PREX2: variants seen among roughly 807,000 people sequenced by gnomAD.
The protein encoded by PREX2 is phosphatidylinositol-3,4,5-trisphosphate dependent Rac exchange factor 2, also known as phosphatidylinositol 3,4,5-trisphosphate-dependent Rac exchanger 2 protein.
In PREX2, 107 loss-of-function variants were observed where a neutral mutation model predicts 203.2. That is an observed-to-expected ratio of 0.53 (90% CI 0.45 to 0.62). The LOEUF is 0.62. PREX2 is among the 20% of genes least tolerant of loss of function. The pLI is 0.00. For synonymous variants in PREX2, 672 were observed against 663.6 expected (o/e 1.01, Z -0.19); for missense variants, 1,777 against 1,955.9 (o/e 0.91, Z 1.72).
intron 37 of PREX2, among the ~76,000 whole-genome samples, chr8:68,198,230 T>A (rs1282494278): frequency 6.6e-6 from 1 of 152,226 alleles, no homozygotes; most frequent in Non-Finnish European, 1.5e-5. Flanking sequence ...TACAATTATA[T>A]TTCCTTTGTT....
chr8:68,161,608 A>C (rs1268379891), intron 35 of PREX2, among the ~76,000 whole-genome samples: 1 of 152,122 alleles, frequency 6.6e-6, no homozygotes, highest in East Asian at 1.9e-4. Flanking sequence ...AGCTTGCTTA[A>C]AACATCAGTT....
intron 36 of PREX2, 63 bp downstream of exon 36, chr8:68,191,851 C>T: frequency 8.6e-7 from 1 of 1,159,920 alleles, no homozygotes; most frequent in Non-Finnish European, 1.3e-6. Context: ...TTTTAATTTT[C>T]TGCTGTTGTT....
intron 35 of PREX2, among the ~76,000 whole-genome samples, chr8:68,182,019 G>A (rs2129614447): frequency 6.6e-6 from 1 of 152,122 alleles, no homozygotes; most frequent in Admixed American, 6.6e-5. Flanking sequence ...GAAAGATACA[G>A]GCAAAGTTTG....
chr8:68,001,667 C>T (rs1806941167), intron 1 of PREX2, among the ~76,000 whole-genome samples: 1 of 152,150 alleles, frequency 6.6e-6, no homozygotes, highest in Non-Finnish European at 1.5e-5. Flanking sequence ...CATCACTATT[C>T]ACAATAGCAA....
intron 1 of PREX2, among the ~76,000 whole-genome samples, chr8:68,009,999 AC>A (rs764032078): frequency 6.6e-6 from 1 of 152,188 alleles, no homozygotes; most frequent in Non-Finnish European, 1.5e-5. Context: ...GTCTGACCAA[AC>A]TTCACTTGCA....
At chr8:68,059,407 C>G in intron 10 of PREX2, among the ~76,000 whole-genome samples, 1 of 152,096 alleles carries the variant, frequency 6.6e-6, no homozygotes, top group East Asian at 1.9e-4. Context: ...AACCTATAAT[C>G]CACTGTGGCC....
In PREX2 at chr8:67,984,935, C is replaced by T. The variant is rs116331946; in HGVS notation, c.141+32400C>T. On this transcript the variant is annotated intron_variant, in intron 1 of 39. Transcript: ENST00000288368. Reference sequence around the variant, plus strand: ...CCTCCCCTTTCCTTGGCAAGGAAGCCAGCCCAGGCACCCAGCCCAGTCGCA... The same window carrying T: ...CCTCCCCTTTCCTTGGCAAGGAAGCTAGCCCAGGCACCCAGCCCAGTCGCA... Among the ~76,000 whole-genome samples the T allele has an allele frequency of 8.7e-3, 1,317 of 151,958 alleles. 14 individuals are homozygous for T. Among genetic ancestry groups the T allele is most frequent in the African/African-American group, 0.03 (1,233 of 41,452 alleles).
In PREX2 at chr8:68,080,441, AG is replaced by A; in HGVS notation, c.1643-1del. 6.2e-7 allele frequency: 1 copy of A among 1,610,636 alleles called. No homozygotes were observed. The highest frequency in any genetic ancestry group is 2.2e-5 in the East Asian group (1 of 44,774). On this transcript the variant is annotated splice_acceptor_variant, in intron 15 of 39. Coordinates refer to ENST00000288368, the MANE Select transcript of PREX2 (RefSeq NM_024870.4). LOFTEE classifies it high-confidence loss of function. The stretch of plus-strand genomic sequence containing the variant: ...ATAATTTGCATCTGTCTTTTTCTGT[AG>A]TCCTTGAAAAAAGCGAATTCAAAGA...
chr8:68,158,969 T>C (rs746742447), intron 35 of PREX2, among the ~76,000 whole-genome samples: 6 of 152,078 alleles, frequency 3.9e-5, no homozygotes, highest in Admixed American at 2.0e-4. Flanking sequence ...GTCAATTTAG[T>C]TTCATCAGAA....
chr8:68,119,142 T>A (rs559795284), intron 27 of PREX2, among the ~76,000 whole-genome samples: 1 of 152,342 alleles, frequency 6.6e-6, no homozygotes, highest in African/African-American at 2.4e-5. Flanking sequence ...AGGGAAAATC[T>A]TAATTTTTGA....
chr8:68,176,788 T>C (rs1404395973), intron 35 of PREX2: 2 of 152,152 alleles, frequency 1.3e-5, no homozygotes, highest in Non-Finnish European at 2.9e-5. Context: ...TCCAGGGTGC[T>C]TGGTGTTGAG....
chr8:68,063,350 C>CT (rs1808915276), intron 11 of PREX2, among the ~76,000 whole-genome samples: 2 of 152,022 alleles, frequency 1.3e-5, no homozygotes, highest in Non-Finnish European at 2.9e-5. Context: ...GGCTGTGAAA[C>CT]TGAGTTGCAG....
Position 68,015,455 on chromosome 8 carries a change from TA to T in PREX2, c.142-2388del, listed in dbSNP as rs1328500386. ...GAGGATAAGAAGATAAAAAGTCAGA[TA>T]AAGACATGGTTTACTTTCTTAGTTT... On this transcript the variant is annotated intron_variant, in intron 1 of 39. Coordinates refer to ENST00000288368, the MANE Select transcript of PREX2 (RefSeq NM_024870.4). Among the ~76,000 whole-genome samples the T allele has an allele frequency of 2.0e-5, 3 of 152,188 alleles. 1 individual carries two copies. Among genetic ancestry groups the T allele is most frequent in the Non-Finnish European group, 4.4e-5 (3 of 68,018 alleles).
chr8:67,981,208 T>C (rs750069749), intron 1 of PREX2, among the ~76,000 whole-genome samples: 14 of 152,156 alleles, frequency 9.2e-5, no homozygotes, highest in African/African-American at 1.4e-4. Context: ...CCTTATGACA[T>C]TGATAAAAGA....
intron 22 of PREX2, among the ~76,000 whole-genome samples, chr8:68,097,788 CTG>C (rs1810129467): frequency 6.6e-6 from 1 of 152,196 alleles, no homozygotes; most frequent in Admixed American, 6.5e-5. Flanking sequence ...TTTGCTGTGT[CTG>C]TGAATTCATT....
intron 37 of PREX2, among the ~76,000 whole-genome samples, chr8:68,215,502 T>A (rs2129615251): frequency 6.6e-6 from 1 of 151,940 alleles, no homozygotes; most frequent in South Asian, 2.1e-4. Flanking sequence ...GTCTGTTGAG[T>A]AAGCTGGCAG....
At chr8:67,958,775 G>C (rs1805555812) in intron 1 of PREX2, among the ~76,000 whole-genome samples, 1 of 152,162 alleles carries the variant, frequency 6.6e-6, no homozygotes. Context: ...AAGTAGAATG[G>C]AGAACATAGG....
chr8:68,018,726 T>C (rs879072571), intron 2 of PREX2, among the ~76,000 whole-genome samples: 5 of 151,912 alleles, frequency 3.3e-5, no homozygotes, highest in African/African-American at 1.2e-4. Flanking sequence ...TGAACAGTCT[T>C]GAAAAAAAAG....
chr8:68,060,513 G>A (rs1808816361), intron 10 of PREX2, among the ~76,000 whole-genome samples, 166 bp from the exon 11 acceptor site: 1 of 152,224 alleles, frequency 6.6e-6, no homozygotes, highest in Non-Finnish European at 1.5e-5. Flanking sequence ...CAACTTAAAT[G>A]GCTGTAGGCC....
Sources: allele counts gnomAD v4.1 joint callset (sites outside exome capture counted in the v4.1 genomes callset), GRCh38; gene constraint gnomAD v4.1.1; transcripts MANE v1.5; gene names NCBI Gene and HGNC (gene_info 2026-07-23, HGNC 2026-07-21).